DENND1A: variants seen among roughly 807,000 people sequenced by gnomAD.
The protein encoded by DENND1A is DENN domain-containing protein 1A.
DENND1A carries 51 observed loss-of-function variants against 113.7 expected under a neutral mutation model. The observed-to-expected ratio is 0.45, with a 90% CI of 0.36 to 0.57. The LOEUF (loss-of-function observed/expected upper bound fraction) is 0.57, where lower values mean the gene tolerates loss of function less well. Among genes scored for constraint, DENND1A ranks in the 20% least tolerant of loss-of-function variants. The pLI is 0.00. For missense variants in DENND1A, 1,258 were observed against 1,395.9 expected, an observed-to-expected ratio of 0.90 and a Z score of 1.57; for synonymous variants, 565 against 570.8, an observed-to-expected ratio of 0.99 and a Z score of 0.14.
chr9:123,799,275 AC>A (rs1389618549), intron 2 of DENND1A, among the ~76,000 whole-genome samples: 1 of 152,174 alleles, frequency 6.6e-6, no homozygotes, highest in Non-Finnish European at 1.5e-5. Flanking sequence ...TGCTATAGAG[AC>A]TATCAAATCA....
intron 17 of DENND1A, among the ~76,000 whole-genome samples, chr9:123,451,882 A>G (rs772613051): frequency 2.3e-4 from 35 of 152,204 alleles, no homozygotes; most frequent in Non-Finnish European, 4.7e-4. Flanking sequence ...TCTCTGCAAT[A>G]GAGGACAAGG....
chr9:123,588,645 A>G (rs377161188), intron 11 of DENND1A, among the ~76,000 whole-genome samples: 1,380 of 114,882 alleles, frequency 0.012, 67 homozygotes, highest in Admixed American at 0.074. Context: ...GGGGGGGGGG[A>G]AGAGAAAAGT....
chr9:123,476,202 C>T (rs1463090822), intron 13 of DENND1A, among the ~76,000 whole-genome samples: 5 of 151,606 alleles, frequency 3.3e-5, no homozygotes, highest in Non-Finnish European at 5.9e-5. Context: ...AAAAAATGTT[C>T]GGGAGATTCC....
chr9:123,559,575 A>T (rs2057619555), intron 12 of DENND1A, among the ~76,000 whole-genome samples: 1 of 152,230 alleles, frequency 6.6e-6, no homozygotes, highest in Non-Finnish European at 1.5e-5. Context: ...GGGGAAAAAA[A>T]AATCCGACCT....
intron 5 of DENND1A, among the ~76,000 whole-genome samples, chr9:123,724,965 C>G (rs1009375108): frequency 6.6e-6 from 1 of 152,148 alleles, no homozygotes; most frequent in Non-Finnish European, 1.5e-5. Flanking sequence ...CAATCTGGCT[C>G]AAAACCATTA....
At chr9:123,922,962 AG>A (rs898790874) in intron 1 of DENND1A, among the ~76,000 whole-genome samples, 45 of 152,250 alleles carry the variant, frequency 3.0e-4, no homozygotes, top group Non-Finnish European at 2.6e-4. Context: ...CAATAAAAGT[AG>A]AGAACAAAAC....
At chr9:123,879,470 T>G (rs1848006526) in intron 1 of DENND1A, among the ~76,000 whole-genome samples, 1 of 151,990 alleles carries the variant, frequency 6.6e-6, no homozygotes, top group Non-Finnish European at 1.5e-5. Context: ...GAGGCAGAGG[T>G]TGCAGTGAGC....
rs532656021 is a variant in DENND1A, at chr9:123,470,758, G to T, written c.994-12861C>A. 7.9e-5 allele frequency among the ~76,000 whole-genome samples: 12 copies of T among 152,336 alleles called. No homozygotes were observed. The East Asian group carries it at 1.7e-3, about 22-fold the overall frequency. ...AGGTGTGCTGCCCACCCATCGCTTG[G>T]TGACACAGTCCTCTGGGGGGTGCTC... is the stretch of plus-strand genomic sequence containing the variant. On this transcript the variant is annotated intron_variant, in intron 13 of 23. Transcript: ENST00000394215.
Position 123,621,902 on chromosome 9 carries a change from G to GC in DENND1A, c.719+8473dup, listed in dbSNP as rs2060983317. ...ATGCCCCATCGCCTATGTGGACTGT[G>GC]CATCTTTTGTTGAAAATCCTACATG... On this transcript the variant is annotated intron_variant, in intron 10 of 23. Coordinates refer to ENST00000394215, the MANE Select transcript of DENND1A (RefSeq NM_001352964.2). 2.0e-5 allele frequency among the ~76,000 whole-genome samples: 3 copies of GC among 152,280 alleles called. No homozygotes were observed. In the South Asian group the frequency reaches 6.2e-4, roughly 32 times the overall value.
At chr9:123,724,800 C>G (rs898049706) in intron 5 of DENND1A, among the ~76,000 whole-genome samples, 1 of 152,156 alleles carries the variant, frequency 6.6e-6, no homozygotes, top group Non-Finnish European at 1.5e-5. Flanking sequence ...AATTCTCAAA[C>G]GATTCAAGCT....
At chr9:123,402,221 CT>C (rs1452425456) in intron 21 of DENND1A, among the ~76,000 whole-genome samples, 1 of 150,706 alleles carries the variant, frequency 6.6e-6, no homozygotes. Flanking sequence ...ACTGAGCATC[CT>C]TGTGTGCAAG....
intron 1 of DENND1A, among the ~76,000 whole-genome samples, chr9:123,904,591 T>A (rs566149902): frequency 6.8e-6 from 1 of 148,110 alleles, no homozygotes; most frequent in East Asian, 1.9e-4. Context: ...CAGGAGCCGA[T>A]GCAATCAACT....
At chr9:123,557,774 G>C in intron 12 of DENND1A, 79 bp from the exon 13 acceptor site, 1 of 1,517,464 alleles carries the variant, frequency 6.6e-7, no homozygotes, top group Non-Finnish European at 9.0e-7. Context: ...TACATATGGA[G>C]CCCTGGAAGA....
chr9:123,775,404 G>A (rs10818870), intron 3 of DENND1A, among the ~76,000 whole-genome samples: 11,587 of 152,074 alleles, frequency 0.076, 659 homozygotes, highest in African/African-American at 0.16. Flanking sequence ...TGAAAGGAAG[G>A]GGGGAGGAGG....
intron 8 of DENND1A, among the ~76,000 whole-genome samples, chr9:123,664,145 A>G (rs1413995211): frequency 6.6e-6 from 1 of 152,350 alleles, no homozygotes; most frequent in East Asian, 1.9e-4. Flanking sequence ...TGATACACAT[A>G]CATACATACC....
chr9:123,463,302 T>C (rs987944680), intron 13 of DENND1A, among the ~76,000 whole-genome samples: 13 of 152,240 alleles, frequency 8.5e-5, no homozygotes, highest in East Asian at 3.8e-4. Flanking sequence ...TCTTGACATA[T>C]GGAATCCATC....
chr9:123,545,304 C>T (rs2056588516), intron 13 of DENND1A, among the ~76,000 whole-genome samples: 1 of 152,072 alleles, frequency 6.6e-6, no homozygotes, highest in Admixed American at 6.5e-5. Flanking sequence ...CCGCACCCCA[C>T]AGAAAATCAG....
At chr9:123,537,938 T>C (rs1337072369) in intron 13 of DENND1A, among the ~76,000 whole-genome samples, 1 of 152,160 alleles carries the variant, frequency 6.6e-6, no homozygotes, top group Non-Finnish European at 1.5e-5. Flanking sequence ...CAATAAAAAA[T>C]GACTGCAGAG....
intron 1 of DENND1A, among the ~76,000 whole-genome samples, chr9:123,894,068 C>T (rs1201655466): frequency 6.6e-6 from 1 of 152,170 alleles, no homozygotes; most frequent in East Asian, 1.9e-4. Context: ...ATGCTTTGTA[C>T]TTATATATAC....
Sources: gnomAD v4.1 joint callset for allele counts (sites outside exome capture counted in the v4.1 genomes callset) on GRCh38, gnomAD v4.1.1 for gene constraint, MANE v1.5 for transcripts, NCBI Gene and HGNC (gene_info 2026-07-23, HGNC 2026-07-21) for gene names.